KCNQ5: variants seen among roughly 807,000 people sequenced by gnomAD.
KCNQ5 encodes the protein potassium voltage-gated channel subfamily Q member 5.
KCNQ5 carries 30 observed loss-of-function variants against 98.2 expected under a neutral mutation model. The ratio of observed to expected loss-of-function variants is 0.31; its 90% confidence interval spans 0.23 to 0.41. KCNQ5 has a LOEUF of 0.41. KCNQ5 is among the 10% of genes least tolerant of loss of function. The pLI, the probability that KCNQ5 is intolerant of heterozygous loss-of-function variation, is 1.00. For missense variants in KCNQ5, 835 were observed against 1,182.5 expected (o/e 0.71, Z 4.31); for synonymous variants, 458 against 449.4 (o/e 1.02, Z -0.24).
intron 2 of KCNQ5, among the ~76,000 whole-genome samples, chr6:73,024,056 T>C (rs968900123): frequency 1.3e-5 from 2 of 152,288 alleles, no homozygotes; most frequent in South Asian, 2.1e-4. Context: ...CAATTCTCTT[T>C]CCAATAATTA....
intron 1 of KCNQ5, among the ~76,000 whole-genome samples, chr6:72,878,426 T>C (rs1778507852): frequency 6.6e-6 from 1 of 152,200 alleles, no homozygotes; most frequent in African/African-American, 2.4e-5. Flanking sequence ...GGAGGCTTTT[T>C]TTCCCCCCTT....
At chr6:73,132,317 G>A (rs906416811) in intron 9 of KCNQ5, among the ~76,000 whole-genome samples, 1 of 151,918 alleles carries the variant, frequency 6.6e-6, no homozygotes, top group Admixed American at 6.6e-5. Context: ...ATTTCTTCAG[G>A]CCCTGCAGAG....
chr6:72,913,835 G>A (rs1780034150), intron 1 of KCNQ5, among the ~76,000 whole-genome samples: 1 of 152,310 alleles, frequency 6.6e-6, no homozygotes, highest in South Asian at 2.1e-4. Flanking sequence ...AGGTAAAGTT[G>A]TGTATTTTTA....
intron 10 of KCNQ5, among the ~76,000 whole-genome samples, chr6:73,163,387 C>G (rs942829224): frequency 6.6e-6 from 1 of 152,150 alleles, no homozygotes; most frequent in African/African-American, 2.4e-5. Flanking sequence ...CAGAGGGAGA[C>G]GCTGTCTCAA....
At chr6:72,764,682 TG>T (rs1356724132) in intron 1 of KCNQ5, among the ~76,000 whole-genome samples, 1 of 152,028 alleles carries the variant, frequency 6.6e-6, no homozygotes, top group Non-Finnish European at 1.5e-5. Context: ...GTCATCCTTT[TG>T]TGCTATCAAA....
At chr6:72,937,044 A>G (rs1225916580) in intron 1 of KCNQ5, among the ~76,000 whole-genome samples, 28 of 152,258 alleles carry the variant, frequency 1.8e-4, no homozygotes, top group Admixed American at 1.8e-3. Flanking sequence ...CAAACAAAAT[A>G]GCTAACTTAT....
intron 1 of KCNQ5, among the ~76,000 whole-genome samples, chr6:72,654,078 C>A (rs1036159563): frequency 6.6e-6 from 1 of 151,624 alleles, no homozygotes; most frequent in Non-Finnish European, 1.5e-5. Context: ...CAGAATAAGA[C>A]AATAGGAACA....
intron 1 of KCNQ5, among the ~76,000 whole-genome samples, chr6:72,729,462 A>G (rs1770449958): frequency 6.6e-6 from 1 of 152,062 alleles, no homozygotes; most frequent in South Asian, 2.1e-4. Flanking sequence ...TAATTTTTGC[A>G]TTTTTAGTAG....
chr6:72,649,120 G>C (rs1301135315), intron 1 of KCNQ5, among the ~76,000 whole-genome samples: 1 of 152,146 alleles, frequency 6.6e-6, no homozygotes, highest in Non-Finnish European at 1.5e-5. Flanking sequence ...GCTCGCAGAT[G>C]TGCAACTGTG....
At chr6:73,193,019 A>ATT (rs66904981) in intron 13 of KCNQ5, among the ~76,000 whole-genome samples, 195 of 127,916 alleles carry the variant, frequency 1.5e-3, no homozygotes, top group East Asian at 7.3e-3. Flanking sequence ...TAGGTCATTA[A>ATT]TTTTTTTTTT....
chr6:73,074,531 T>C (rs1447392172), intron 3 of KCNQ5, among the ~76,000 whole-genome samples: 2 of 152,248 alleles, frequency 1.3e-5, no homozygotes, highest in Non-Finnish European at 2.9e-5. Context: ...TTTTTTAAAT[T>C]GTCTCAAATC....
At chr6:72,963,208 A>G (rs145295774) in intron 1 of KCNQ5, among the ~76,000 whole-genome samples, 21 of 152,228 alleles carry the variant, frequency 1.4e-4, no homozygotes, top group African/African-American at 5.1e-4. Context: ...AAAGTAAAAT[A>G]TTTTAAATGG....
At chr6:73,107,128 C>G (rs1775035125) in intron 6 of KCNQ5, among the ~76,000 whole-genome samples, 1 of 152,066 alleles carries the variant, frequency 6.6e-6, no homozygotes, top group Middle Eastern at 3.2e-3. Flanking sequence ...AATAATGGCA[C>G]AAAATAATTG....
chr6:73,178,933 A>G (rs1344219717), intron 11 of KCNQ5, among the ~76,000 whole-genome samples: 1 of 152,160 alleles, frequency 6.6e-6, no homozygotes, highest in Non-Finnish European at 1.5e-5. Flanking sequence ...GACCCAAATT[A>G]TCAAGCTCTG....
chr6:72,713,535 A>C (rs1268513627), intron 1 of KCNQ5, among the ~76,000 whole-genome samples: 1 of 152,128 alleles, frequency 6.6e-6, no homozygotes, highest in Non-Finnish European at 1.5e-5. Flanking sequence ...AGTTGCAGTG[A>C]TCTCCTAATA....
rs577241362 is a variant in KCNQ5, at chr6:72,632,459, T to A, written c.398+9872T>A. ...CCTGGCCAGTTTTTTTTTCTTTTTTTAAAAAATCAACTTTTATTTTAGAGA... is the reference window on the plus strand; with the variant it reads ...CCTGGCCAGTTTTTTTTTCTTTTTTAAAAAAATCAACTTTTATTTTAGAGA... On this transcript the variant is annotated intron_variant, in intron 1 of 13. Transcript: ENST00000370398. Among the ~76,000 whole-genome samples the A allele has an allele frequency of 1.1e-3, 163 of 152,240 alleles. 1 individual carries two copies. Among genetic ancestry groups the A allele is most frequent in the African/African-American group, 3.6e-3 (149 of 41,544 alleles).
At chr6:72,901,246 T>A (rs901406775) in intron 1 of KCNQ5, among the ~76,000 whole-genome samples, 1 of 151,662 alleles carries the variant, frequency 6.6e-6, no homozygotes, top group Non-Finnish European at 1.5e-5. Flanking sequence ...AGATTCTGGA[T>A]ATTAGTCCTT....
At chr6:73,085,538 C>G (rs1387741613) in intron 5 of KCNQ5, among the ~76,000 whole-genome samples, 1 of 152,152 alleles carries the variant, frequency 6.6e-6, no homozygotes, top group Non-Finnish European at 1.5e-5. Context: ...CTGTTCAGGT[C>G]CCTTGCATTC....
chr6:72,723,576 TA>T (rs1397833648), intron 1 of KCNQ5, among the ~76,000 whole-genome samples: 1 of 152,226 alleles, frequency 6.6e-6, no homozygotes, highest in African/African-American at 2.4e-5. Context: ...GCTATGAATG[TA>T]TGCAAGAAAC....
Sources: allele counts gnomAD v4.1 joint callset (sites outside exome capture counted in the v4.1 genomes callset), GRCh38; gene constraint gnomAD v4.1.1; transcripts MANE v1.5; gene names NCBI Gene and HGNC (gene_info 2026-07-23, HGNC 2026-07-21).